NEK11: variants seen among roughly 807,000 people sequenced by gnomAD.
The protein encoded by NEK11 is NIMA related kinase 11.
A neutral mutation model predicts 80.7 loss-of-function variants in NEK11; 72 were observed. The ratio of observed to expected loss-of-function variants is 0.89; its 90% CI spans 0.74 to 1.08. NEK11 has a LOEUF of 1.08. NEK11 is among the 50% of genes least tolerant of loss of function. The pLI, the probability that NEK11 is intolerant of heterozygous loss-of-function variation, is 0.00. For missense variants in NEK11, 764 were observed against 763.6 expected (o/e 1.00, Z -0.01); for synonymous variants, 251 against 260.7 (o/e 0.96, Z 0.36).
chr3:131,048,047 A>C (rs1183921013), intron 3 of NEK11, among the ~76,000 whole-genome samples: 1 of 152,084 alleles, frequency 6.6e-6, no homozygotes, highest in East Asian at 1.9e-4. Context: ...GCAGGTCACC[A>C]GGGAAGTGGG....
rs569670174 is a variant in NEK11 at position 131,057,126 on chromosome 3, GA to G, written c.171-23295del. ...TTGTTCGATTCCCATCTATGAGTGA[GA>G]ACACGCGGTGTTTGGTTTTTTGTCC... On this transcript the variant is annotated intron_variant, in intron 3 of 17. Coordinates refer to ENST00000383366, the MANE Select transcript of NEK11 (RefSeq NM_024800.5). Among the ~76,000 whole-genome samples, 477 of 146,794 alleles carry G rather than the reference GA, an allele frequency of 3.2e-3. 2 individuals carry two copies. The highest frequency in any genetic ancestry group is 5.2e-3 in the Non-Finnish European group (352 of 67,398).
chr3:131,028,615 G>A (rs2064266815), intron 2 of NEK11, among the ~76,000 whole-genome samples: 1 of 151,936 alleles, frequency 6.6e-6, no homozygotes, highest in Non-Finnish European at 1.5e-5. Context: ...CGCCCAGGCT[G>A]GAGTGCAGTG....
chr3:131,229,317 T>G (rs1398012971), intron 15 of NEK11, among the ~76,000 whole-genome samples: 1 of 152,098 alleles, frequency 6.6e-6, no homozygotes, highest in Admixed American at 6.5e-5. Context: ...TGACATGTGC[T>G]TTCAGTGTTG....
At chr3:131,058,263 C>A (rs555038331) in intron 3 of NEK11, among the ~76,000 whole-genome samples, 2,103 of 152,230 alleles carry the variant, frequency 0.014, 44 homozygotes, top group African/African-American at 0.048. Context: ...TGTTTTGGTA[C>A]CAGTACCATG....
At chr3:131,205,163 C>T (rs2094406450) in intron 14 of NEK11, among the ~76,000 whole-genome samples, 1 of 152,244 alleles carries the variant, frequency 6.6e-6, no homozygotes, top group African/African-American at 2.4e-5. Flanking sequence ...TAAAGATTCA[C>T]TTGGTTTTGG....
intron 3 of NEK11, among the ~76,000 whole-genome samples, chr3:131,076,027 GCAGCTCA>G (rs2074289320): frequency 6.6e-6 from 1 of 152,148 alleles, no homozygotes; most frequent in Non-Finnish European, 1.5e-5. Flanking sequence ...GTTTCTTGAT[GCAGCTCA>G]CACTCACATC....
chr3:131,118,423 G>C (rs2081702295), intron 5 of NEK11, among the ~76,000 whole-genome samples: 1 of 152,128 alleles, frequency 6.6e-6, no homozygotes, highest in South Asian at 2.1e-4. Context: ...AGGGATATTG[G>C]TCTAAAATTC....
At chr3:131,331,636 G>GT (rs543773840) in intron 17 of NEK11, among the ~76,000 whole-genome samples, 5 of 152,222 alleles carry the variant, frequency 3.3e-5, no homozygotes, top group African/African-American at 1.2e-4. Flanking sequence ...CGCACCGTGC[G>GT]TGAGCCGAAG....
chr3:131,092,453 G>A (rs2076871562), intron 4 of NEK11, among the ~76,000 whole-genome samples: 1 of 152,142 alleles, frequency 6.6e-6, no homozygotes, highest in African/African-American at 2.4e-5. Flanking sequence ...TCAAAAAAAT[G>A]AGCCAGAAGA....
At chr3:131,328,212 C>T (rs1338658049) in intron 17 of NEK11, among the ~76,000 whole-genome samples, 1 of 151,914 alleles carries the variant, frequency 6.6e-6, no homozygotes, top group South Asian at 2.1e-4. Flanking sequence ...ATCACTTAAG[C>T]CTGGGAGGTC....
chr3:131,095,891 G>A (rs2077359387), intron 4 of NEK11, among the ~76,000 whole-genome samples: 1 of 152,044 alleles, frequency 6.6e-6, no homozygotes, highest in Non-Finnish European at 1.5e-5. Context: ...AATTAAAATA[G>A]GATCAGAGGT....
At chr3:131,328,724 AAATTGCTTGTTTTTCTAG>A (rs2097019505) in intron 17 of NEK11, 1 of 152,206 alleles carries the variant, frequency 6.6e-6, no homozygotes, top group African/African-American at 2.4e-5. Context: ...CCCTGAAGAT[AAATTGCTTGTTTTTCTAG>A]GAGTGGGGGA....
At chr3:131,341,720 A>G (rs1045216523) in intron 17 of NEK11, among the ~76,000 whole-genome samples, 1 of 151,842 alleles carries the variant, frequency 6.6e-6, no homozygotes, top group Admixed American at 6.6e-5. Flanking sequence ...CTTCTTTGTG[A>G]ATTGAATTAT....
intron 3 of NEK11, among the ~76,000 whole-genome samples, chr3:131,062,223 A>T (rs943835634): frequency 6.6e-6 from 1 of 152,174 alleles, no homozygotes; most frequent in East Asian, 1.9e-4. Context: ...GTTGTGGAGT[A>T]ATTTTCATAT....
chr3:131,218,658 A>T (rs1180826005), intron 14 of NEK11, among the ~76,000 whole-genome samples: 1 of 152,184 alleles, frequency 6.6e-6, no homozygotes, highest in Non-Finnish European at 1.5e-5. Context: ...TGGTTAAATT[A>T]AAATGAGGCT....
chr3:131,113,684 G>A (rs1195270688), intron 5 of NEK11, among the ~76,000 whole-genome samples: 4 of 152,044 alleles, frequency 2.6e-5, no homozygotes, highest in African/African-American at 7.2e-5. Flanking sequence ...AGGCCAAGGC[G>A]GGTGGATCAC....
chr3:131,051,995 A>G (rs1000521569), intron 3 of NEK11, among the ~76,000 whole-genome samples: 10 of 152,138 alleles, frequency 6.6e-5, no homozygotes, highest in Non-Finnish European at 1.3e-4. Context: ...CCTCTTCCCC[A>G]AAAGGTAACC....
chr3:131,086,665 T>C (rs1248748949), intron 4 of NEK11, among the ~76,000 whole-genome samples: 1 of 152,152 alleles, frequency 6.6e-6, no homozygotes, highest in Non-Finnish European at 1.5e-5. Flanking sequence ...CCCCAGAAAG[T>C]GGAGTGATTT....
intron 17 of NEK11, among the ~76,000 whole-genome samples, chr3:131,304,868 A>G (rs2096706183): frequency 6.6e-6 from 1 of 152,132 alleles, no homozygotes; most frequent in African/African-American, 2.4e-5. Flanking sequence ...CAGCTGAGAC[A>G]TAGTCATGGG....
Sources: allele counts gnomAD v4.1 joint callset (sites outside exome capture counted in the v4.1 genomes callset), GRCh38; gene constraint gnomAD v4.1.1; transcripts MANE v1.5; gene names NCBI Gene and HGNC (gene_info 2026-07-23, HGNC 2026-07-21).